The following CCNF variants were observed in gnomAD, a reference collection of about 807,000 sequenced individuals.
CCNF encodes cyclin-F.
In CCNF, 30 loss-of-function variants were observed where a neutral mutation model predicts 85.4. That is an observed-to-expected ratio of 0.35 (90% CI 0.26 to 0.48). The LOEUF (loss-of-function observed/expected upper bound fraction) is 0.48, where lower values mean the gene tolerates loss of function less well. Among genes scored for constraint, CCNF ranks in the 20% least tolerant of loss-of-function variants. The probability of loss-of-function intolerance (pLI) is 0.99; values close to 1 mark genes in which losing one functional copy is unlikely to be tolerated. For synonymous variants in CCNF, 439 were observed against 425.1 expected (o/e 1.03, Z -0.40); for missense variants, 919 against 1,010.4 (o/e 0.91, Z 1.23).
In CCNF at chr16:2,453,306, A is replaced by T; in HGVS notation, c.1584A>T (p.Glu528Asp). Residue 528 changes from glutamate to aspartate, a missense_variant, in exon 14 of 17, where the codon GAA becomes GAT. By Grantham distance (45) the Glu-to-Asp change is conservative (BLOSUM62 2). Transcript: ENST00000397066. This position sits in a 1 kb window ranked among gnomAD's most constrained non-coding sequence, Gnocchi z 5.6. ...EDKRYGEISQEEVLSYSQLCA... is the reference protein window; with the variant it reads ...EDKRYGEISQDEVLSYSQLCA... ...AGCGCTATGGAGAAATCAGCCAGGA[A>T]GAGGTGCCTCCCTCCCGCCACCTGG... 6.2e-7 allele frequency: 1 copy of T among 1,613,924 alleles called. No homozygotes were observed. The highest frequency in any genetic ancestry group is 8.5e-7 in the Non-Finnish European group (1 of 1,180,022).
chr16:2,445,070 G>A (rs995475997), intron 9 of CCNF, among the ~76,000 whole-genome samples: 5 of 152,026 alleles, frequency 3.3e-5, no homozygotes, highest in Non-Finnish European at 7.4e-5. Flanking sequence ...CCATATTGGG[G>A]CATCATTTAC....
At position 2,439,378 on chromosome 16, in the gene CCNF, A is replaced by G. The variant is rs1596918807; in HGVS notation, c.620A>G (p.His207Arg). 6 of 1,609,138 alleles carry G rather than the reference A, an allele frequency of 3.7e-6. No individual in the cohort carries two copies. The highest frequency in any genetic ancestry group is 5.1e-6 in the Non-Finnish European group (6 of 1,178,072). Residue 207 changes from histidine to arginine, a missense_variant, in exon 7 of 17, where the codon CAT (histidine) becomes CGT (arginine). By Grantham distance (29) the His-to-Arg change is conservative. Transcript: ENST00000397066. ...FEDEEKQQQA[H>R]DLFEEAAHQG... ...GATGAGGAGAAGCAGCAGCAGGCCCATGACCTGTTTGAGGAGGCTGCTCAT... is the reference window on the plus strand; with the variant it reads ...GATGAGGAGAAGCAGCAGCAGGCCCGTGACCTGTTTGAGGAGGCTGCTCAT...
At chr16:2,446,416 T>G (rs2065362749) in intron 10 of CCNF, among the ~76,000 whole-genome samples, 1 of 152,228 alleles carries the variant, frequency 6.6e-6, no homozygotes, top group African/African-American at 2.4e-5. Context: ...CACGTGGGTG[T>G]CTCTCAGCAG....
rs1447887152 is a variant in CCNF, at chr16:2,449,575, G to A, written c.1399+113G>A. On this transcript the variant is annotated intron_variant, in intron 12 of 16. Coordinates refer to ENST00000397066, the MANE Select transcript of CCNF (RefSeq NM_001761.3). ...CATTTGTCCTGGTTACTTCTTGGGG[G>A]GTGAGATACAGCACGGCTCCTACCT... The A allele has an allele frequency of 2.8e-6, 3 of 1,090,544 alleles. 1 individual carries two copies. In the African/African-American group the frequency reaches 4.7e-5, roughly 17 times the overall value. The allele number at this position is 1,090,544 out of a possible 1,614,324, so 67.6% of individuals were successfully genotyped here. A position where few individuals can be genotyped will look rare whatever the true frequency, so the allele number is the denominator to read the frequency against.
At chr16:2,431,022 C>T in intron 1 of CCNF, 108 bp from the exon 2 acceptor site, 2 of 1,131,374 alleles carry the variant, frequency 1.8e-6, no homozygotes, top group South Asian at 1.2e-5. Context: ...GAATAGTAAC[C>T]ATTAGATCAT....
chr16:2,440,776 T>A (rs1567385277), intron 8 of CCNF, among the ~76,000 whole-genome samples: 1 of 151,996 alleles, frequency 6.6e-6, no homozygotes, highest in African/African-American at 2.4e-5. Flanking sequence ...GGTGTTCACG[T>A]CCAAAAAGCC....
Position 2,431,164 on chromosome 16 carries a change from T to C in CCNF, c.51T>C (p.Tyr17=), listed in dbSNP as rs142241270. ...GTAGGTGTGCCAAGTGTTTCTGTTA[T>C]CCTACAAAGCGAAGAATAAGGAGGA... ...VHCRCAKCFC[Y]PTKRRIRRRP... Residue 17 remains tyrosine (Y), a synonymous_variant, in exon 2 of 17, where the codon TAT becomes TAC. Coordinates refer to ENST00000397066, the MANE Select transcript of CCNF (RefSeq NM_001761.3). 8.1e-6 allele frequency: 13 copies of C among 1,614,030 alleles called. No homozygotes were observed. The highest frequency in any genetic ancestry group is 1.7e-5 in the Admixed American group (1 of 59,980).
Position 2,439,445 on chromosome 16 carries a change from C to A in CCNF, c.687C>A (p.Asp229Glu). The A allele has an allele frequency of 6.2e-7, 1 of 1,608,716 alleles. No individual in the cohort carries two copies. The highest frequency in any genetic ancestry group is 1.1e-5 in the South Asian group (1 of 90,270). The change falls in exon 7 of 17, where the codon GAC (aspartate) becomes GAA (glutamate). Residue 229 changes from aspartate to glutamate, a missense_variant. Transcript: ENST00000397066. ...LTSSYLLWES[D>E]RRTDVSDPGR... ...GCTCCTACCTCCTCTGGGAAAGCGA[C>A]AGGAGGACAGATGTGAGTGGTGCCT...
chr16:2,456,598 C>A lies in CCNF; in HGVS notation c.1939C>A (p.Gln647Lys). Residue 647 changes from glutamine to lysine, a missense_variant, in exon 17 of 17, where the codon CAG becomes AAG. Transcript: ENST00000397066. The surrounding 1 kb of genome is among the most constrained non-coding windows in gnomAD (Gnocchi z 4.5). ...CACCGTGGTCTACCTGAACCCAGAA[C>A]AGCATTGCTGCCAGGAATCCAGTGA... is the stretch of plus-strand genomic sequence containing the variant. ...DVTVVYLNPE[Q>K]HCCQESSDEE... 1 of 1,595,304 alleles carries A rather than the reference C, an allele frequency of 6.3e-7. No homozygotes were observed. Among genetic ancestry groups the A allele is most frequent in the South Asian group, 1.1e-5 (1 of 88,476 alleles).
chr16:2,444,324 G>A (rs955269032), intron 9 of CCNF, among the ~76,000 whole-genome samples: 1 of 148,736 alleles, frequency 6.7e-6, no homozygotes, highest in Non-Finnish European at 1.5e-5. Flanking sequence ...TTTTGAGACG[G>A]AGTCTTGCTC....
Position 2,456,423 on chromosome 16 carries a change from A to C in CCNF, c.1886-122A>C. On this transcript the variant is annotated intron_variant, in intron 16 of 16. Transcript: ENST00000397066. The surrounding 1 kb of genome is among the most constrained non-coding windows in gnomAD (Gnocchi z 4.5). ...CCACGCTTCTCACCACAGGAGGGTA[A>C]CACAGGGGACCGTAGCAAGGTAGAA... 1.6e-6 allele frequency: 1 copy of C among 639,906 alleles called. No homozygotes were observed. Among genetic ancestry groups the C allele is most frequent in the Non-Finnish European group, 2.6e-6 (1 of 391,558 alleles). 39.6% of individuals were successfully genotyped at this position (639,906 alleles called of 1,614,324 possible). A position where few individuals can be genotyped will look rare whatever the true frequency, so the allele number is the denominator to read the frequency against.
intron 3 of CCNF, among the ~76,000 whole-genome samples, 176 bp from the exon 4 acceptor site, chr16:2,435,628 CAT>C (rs2065285310): frequency 9.6e-5 from 1 of 10,466 alleles, no homozygotes; most frequent in African/African-American, 3.3e-3. Context: ...CACACACACA[CAT>C]ATATATGCAC....
intron 16 of CCNF, 126 bp downstream of exon 16, chr16:2,455,690 G>T (rs535989228): frequency 7.2e-6 from 10 of 1,388,664 alleles, no homozygotes; most frequent in Non-Finnish European, 9.4e-6. Flanking sequence ...TGCGGGGTGG[G>T]GCCAGCTCCT....
chr16:2,439,908 T>G (rs1368951436), intron 8 of CCNF, 82 bp downstream of exon 8: 2 of 1,213,236 alleles, frequency 1.6e-6, no homozygotes, highest in Non-Finnish European at 2.4e-6. Flanking sequence ...GCTCCCACAT[T>G]GGGGGGCAGG....
At position 2,456,453 on chromosome 16, in the gene CCNF, C is replaced by A; in HGVS notation, c.1886-92C>A. On this transcript the variant is annotated intron_variant, in intron 16 of 16. Transcript: ENST00000397066. The surrounding 1 kb of genome is among the most constrained non-coding windows in gnomAD (Gnocchi z 4.5). ...GGGGACCGTAGCAAGGTAGAAGATT[C>A]TTGACCTGGACTTCAGGGTCCTGAC... The A allele has an allele frequency of 2.3e-6, 2 of 854,212 alleles. No individual in the cohort carries two copies. Among genetic ancestry groups the A allele is most frequent in the African/African-American group, 1.7e-5 (1 of 58,764 alleles). The allele number at this position is 854,212 out of a possible 1,614,324, so 52.9% of individuals were successfully genotyped here.
intron 12 of CCNF, 126 bp from the exon 13 acceptor site, chr16:2,449,702 T>C: frequency 1.3e-6 from 1 of 759,004 alleles, no homozygotes; most frequent in Non-Finnish European, 2.2e-6. Flanking sequence ...TCCAAGAAAC[T>C]CCACAGCAGA....
chr16:2,433,844 G>C (rs13329909), intron 3 of CCNF, among the ~76,000 whole-genome samples: 91 of 152,262 alleles, frequency 6.0e-4, no homozygotes, highest in African/African-American at 2.1e-3. Flanking sequence ...GCATTTTTCT[G>C]ACAGGGATTC....
chr16:2,456,521 C>T lies in CCNF; in HGVS notation c.1886-24C>T, dbSNP rs1395029011. ...CTGATGCTTGGGTGTGACATGACTT[C>T]CCTCCCCACCAACCTTCCTGCAGTG... On this transcript the variant is annotated intron_variant, in intron 16 of 16. Transcript: ENST00000397066. The surrounding 1 kb of genome is among the most constrained non-coding windows in gnomAD (Gnocchi z 4.5). The T allele has an allele frequency of 2.0e-6, 3 of 1,488,666 alleles. No homozygotes were observed. Among genetic ancestry groups the T allele is most frequent in the Non-Finnish European group, 2.7e-6 (3 of 1,114,304 alleles). 92.2% of individuals were successfully genotyped at this position (1,488,666 alleles called of 1,614,324 possible). A position where few individuals can be genotyped will look rare whatever the true frequency, so the allele number is the denominator to read the frequency against.
intron 4 of CCNF, chr16:2,436,153 G>A: frequency 2.9e-6 from 1 of 349,998 alleles, no homozygotes; most frequent in Non-Finnish European, 5.3e-6. Flanking sequence ...CAGCACGGGG[G>A]CTGTTTGGGC....
Sources: gnomAD v4.1 joint callset for allele counts (sites outside exome capture counted in the v4.1 genomes callset) on GRCh38, gnomAD v4.1.1 for gene constraint, Gnocchi (gnomAD v3.1) non-coding constraint, MANE v1.5 for transcripts, NCBI Gene and HGNC (gene_info 2026-07-23, HGNC 2026-07-21) for gene names.